Variants in DYRK1A observed in about 807,000 individuals in gnomAD.
DYRK1A encodes dual specificity tyrosine phosphorylation regulated kinase 1A, also known as dual specificity tyrosine-phosphorylation-regulated kinase 1A.
A neutral mutation model predicts 79.7 loss-of-function variants in DYRK1A; 9 were observed. The observed-to-expected ratio is 0.11, with a 90% CI of 0.07 to 0.20. DYRK1A has a LOEUF of 0.20. DYRK1A is among the 10% of genes least tolerant of loss of function. The pLI, the probability that DYRK1A is intolerant of heterozygous loss-of-function variation, is 1.00. For synonymous variants in DYRK1A, 349 were observed against 329.7 expected (o/e 1.06, Z -0.63); for missense variants, 622 against 956.0 (o/e 0.65, Z 4.61).
At position 37,512,175 on chromosome 21, in the gene DYRK1A, A is replaced by G. The variant is rs1353409115; in HGVS notation, c.1909A>G (p.Met637Val). The change falls in exon 12 of 12, where the codon ATG (methionine) becomes GTG (valine). Residue 637 changes from methionine to valine, a missense_variant. This residue lies in a region of DYRK1A where 292 missense variants were observed against 316.7 expected (regional missense o/e 0.92). Coordinates refer to ENST00000647188, the MANE Select transcript of DYRK1A (RefSeq NM_001347721.2). The stretch of plus-strand genomic sequence containing the variant: ...GAATAGCTCCTCTACCCAAGATTCT[A>G]TGGAGGTTGGCCACAGTCACCACTC... Reference protein sequence around the residue: ...PTNSSSTQDSMEVGHSHHSMT... With the variant: ...PTNSSSTQDSVEVGHSHHSMT... The G allele has an allele frequency of 5.0e-6, 8 of 1,614,066 alleles. No individual in the cohort carries two copies. The highest frequency in any genetic ancestry group is 1.3e-5 in the African/African-American group (1 of 74,914).
At chr21:37,393,450 A>C (rs184099874) in intron 1 of DYRK1A, among the ~76,000 whole-genome samples, 1 of 151,986 alleles carries the variant, frequency 6.6e-6, no homozygotes, top group East Asian at 1.9e-4. Flanking sequence ...TGGGGTCTTG[A>C]CTCCCCAACC....
intron 2 of DYRK1A, among the ~76,000 whole-genome samples, chr21:37,435,426 G>T (rs2050896473): frequency 6.6e-6 from 1 of 152,206 alleles, no homozygotes; most frequent in Admixed American, 6.5e-5. Flanking sequence ...ATGATCTGCA[G>T]CAGTTCCCAC....
chr21:37,501,033 T>A (rs2053427883), intron 9 of DYRK1A, among the ~76,000 whole-genome samples: 1 of 151,838 alleles, frequency 6.6e-6, no homozygotes, highest in African/African-American at 2.4e-5. Context: ...TTTTCCAGCT[T>A]CTTAAAGGTG....
intron 5 of DYRK1A, among the ~76,000 whole-genome samples, chr21:37,482,647 A>T (rs1296671919): frequency 6.6e-6 from 1 of 152,204 alleles, no homozygotes; most frequent in Non-Finnish European, 1.5e-5. Context: ...TTGAGAGCAG[A>T]CAACTGGTCT....
At chr21:37,433,050 T>A (rs932575760) in intron 2 of DYRK1A, among the ~76,000 whole-genome samples, 23 of 148,680 alleles carry the variant, frequency 1.5e-4, no homozygotes, top group African/African-American at 3.7e-4. Context: ...TCTAAATATA[T>A]ATATATATAT....
chr21:37,464,919 T>TA (rs1283443747), intron 2 of DYRK1A, among the ~76,000 whole-genome samples: 1 of 152,186 alleles, frequency 6.6e-6, no homozygotes, highest in African/African-American at 2.4e-5. Flanking sequence ...TAACTAGAAA[T>TA]ACGCATATTA....
At chr21:37,408,045 A>C (rs1489494136) in intron 1 of DYRK1A, among the ~76,000 whole-genome samples, 2 of 152,252 alleles carry the variant, frequency 1.3e-5, no homozygotes, top group Non-Finnish European at 2.9e-5. Context: ...TACATAGGCA[A>C]ATCTTTGTTA....
intron 6 of DYRK1A, chr21:37,488,658 T>C (rs2052962949): frequency 6.1e-6 from 6 of 985,432 alleles, no homozygotes; most frequent in Non-Finnish European, 7.2e-6. Context: ...CTCAGCACAC[T>C]GTAGATACTA....
intron 1 of DYRK1A, among the ~76,000 whole-genome samples, chr21:37,403,438 T>C (rs2050088383): frequency 6.6e-6 from 1 of 151,998 alleles, no homozygotes; most frequent in African/African-American, 2.4e-5. Context: ...TGCTGCCTAC[T>C]AATTATTTTT....
At position 37,490,157 on chromosome 21, in the gene DYRK1A, A is replaced by G. The variant is rs1299568103; in HGVS notation, c.638-18A>G. On this transcript the variant is annotated intron_variant, in intron 6 of 11. Transcript: ENST00000647188. ...TATTGGTATATATAATTTAAAATGA[A>G]ACTGTTTTCTCTTTCAGTGCATTTG... 6.2e-7 allele frequency: 1 copy of G among 1,603,760 alleles called. No homozygotes were observed. The highest frequency in any genetic ancestry group is 8.5e-7 in the Non-Finnish European group (1 of 1,174,264).
At chr21:37,508,878 G>A (rs2148657283) in intron 11 of DYRK1A, among the ~76,000 whole-genome samples, 1 of 152,076 alleles carries the variant, frequency 6.6e-6, no homozygotes, top group Admixed American at 6.5e-5. Flanking sequence ...TACTCCCAGG[G>A]GCTCTCTCTA....
intron 2 of DYRK1A, among the ~76,000 whole-genome samples, chr21:37,461,906 T>C (rs2148528283): frequency 6.6e-6 from 1 of 152,060 alleles, no homozygotes; most frequent in Non-Finnish European, 1.5e-5. Flanking sequence ...TTAATTTATA[T>C]TGCTTTGTTT....
At chr21:37,379,779 CTCTT>C (rs538100782) in intron 1 of DYRK1A, among the ~76,000 whole-genome samples, 146 of 152,258 alleles carry the variant, frequency 9.6e-4, no homozygotes, top group African/African-American at 3.4e-3. Flanking sequence ...ATCTCATATT[CTCTT>C]TATTTTTTCA....
intron 1 of DYRK1A, among the ~76,000 whole-genome samples, chr21:37,413,174 T>C (rs567386435): frequency 6.6e-6 from 1 of 152,310 alleles, no homozygotes; most frequent in Admixed American, 6.5e-5. Context: ...CTGAACTCAC[T>C]TTACTGCTTT....
Position 37,511,858 on chromosome 21 carries a change from T to G in DYRK1A, c.1645-53T>G, listed in dbSNP as rs2053758198. The G allele has an allele frequency of 2.2e-5, 34 of 1,567,512 alleles. No homozygotes were observed. In the South Asian group the frequency reaches 2.6e-4, roughly 12 times the overall value. ...AGTGTCATGGCTTTTGATGGAAGATTAAAGCTTGGAAACAGTCCTCTGAAA... is the reference window on the plus strand; with the variant it reads ...AGTGTCATGGCTTTTGATGGAAGATGAAAGCTTGGAAACAGTCCTCTGAAA... On this transcript the variant is annotated intron_variant, in intron 11 of 11. Coordinates refer to ENST00000647188, the MANE Select transcript of DYRK1A (RefSeq NM_001347721.2).
At position 37,479,623 on chromosome 21, in the gene DYRK1A, T is replaced by TTG. The variant is rs1555979765; in HGVS notation, c.301-1014_301-1013insGT. Among the ~76,000 whole-genome samples the TTG allele has an allele frequency of 9.4e-5, 10 of 106,584 alleles. No individual in the cohort carries two copies. The East Asian group carries it at 1.1e-3, about 12-fold the overall frequency. The allele number at this position is 106,584 out of a possible 152,430, so 69.9% of individuals were successfully genotyped here. On this transcript the variant is annotated intron_variant, in intron 4 of 11. Coordinates refer to ENST00000647188, the MANE Select transcript of DYRK1A (RefSeq NM_001347721.2). ...TTGTTTTTGTTTTTGTTTTTTGTTT[T>TTG]TTTTTTTTTTTTTGGAGACAGAGTC...
intron 1 of DYRK1A, among the ~76,000 whole-genome samples, chr21:37,384,331 G>A (rs909809190): frequency 2.0e-5 from 3 of 152,134 alleles, no homozygotes; most frequent in Non-Finnish European, 2.9e-5. Context: ...TGGGGGAGCT[G>A]TAAGCAGAAA....
intron 1 of DYRK1A, among the ~76,000 whole-genome samples, chr21:37,383,833 G>GTGTT (rs1569281750): frequency 1.8e-5 from 2 of 110,138 alleles, no homozygotes; most frequent in African/African-American, 8.9e-5. Context: ...ATAGGTAATG[G>GTGTT]TGTATGTGTG....
At chr21:37,488,415 T>C (rs1601259363) in intron 6 of DYRK1A, 1 of 713,126 alleles carries the variant, frequency 1.4e-6, no homozygotes, top group Non-Finnish European at 1.7e-6. Flanking sequence ...ATGAGTCTGA[T>C]TTATTCTGAT....
Sources: gnomAD v4.1 joint callset for allele counts (sites outside exome capture counted in the v4.1 genomes callset) on GRCh38, gnomAD v4.1.1 for gene constraint, gnomAD v4.1.1 regional missense constraint, MANE v1.5 for transcripts, NCBI Gene and HGNC (gene_info 2026-07-23, HGNC 2026-07-21) for gene names.